NLGN4X: variants seen among roughly 807,000 people sequenced by gnomAD.
NLGN4X encodes neuroligin-4, X-linked.
A neutral mutation model predicts 40.3 loss-of-function variants in NLGN4X; 3 were observed. The ratio of observed to expected loss-of-function variants is 0.07; its 90% CI spans 0.03 to 0.19. The LOEUF is 0.19. Among genes scored for constraint, NLGN4X ranks in the 10% least tolerant of loss-of-function variants. The probability of loss-of-function intolerance (pLI) is 1.00; values close to 1 mark genes in which losing one functional copy is unlikely to be tolerated. For missense variants in NLGN4X, 382 were observed against 708.3 expected (o/e 0.54, Z 5.23); for synonymous variants, 270 against 306.8 (o/e 0.88, Z 1.25).
intron 2 of NLGN4X, among the ~76,000 whole-genome samples, chrX:6,075,511 T>C (rs1215193321): frequency 8.9e-6 from 1 of 111,930 alleles, no homozygotes; most frequent in Admixed American, 9.5e-5. Flanking sequence ...ATAGTTTGGA[T>C]GTTTGTCCTC....
chrX:5,923,342 T>C (rs1364429342), intron 3 of NLGN4X, among the ~76,000 whole-genome samples: 1 of 112,235 alleles, frequency 8.9e-6, no homozygotes, highest in Non-Finnish European at 1.9e-5. Context: ...GGTTTCACCA[T>C]GTTGCCCAGG....
At chrX:6,013,920 C>T (rs754101889) in intron 3 of NLGN4X, among the ~76,000 whole-genome samples, 1 of 110,620 alleles carries the variant, frequency 9.0e-6, no homozygotes, top group Non-Finnish European at 1.9e-5. Flanking sequence ...CGGTGACTCA[C>T]GCCTGTAATC....
chrX:6,175,017 C>A (rs2040693332), intron 1 of NLGN4X, among the ~76,000 whole-genome samples: 2 of 111,749 alleles, frequency 1.8e-5, no homozygotes, highest in South Asian at 3.7e-4. Flanking sequence ...TTACACAAAT[C>A]TACAACTTAA....
rs1343544501 is a variant in NLGN4X at position 6,151,417 on chromosome X, A to G, written c.50T>C (p.Val17Ala). The change falls in exon 2 of 6, where the codon GTC (valine) becomes GCC (alanine). Residue 17 changes from valine to alanine, a missense_variant. By Grantham distance (64) the Val-to-Ala change is moderately conservative (BLOSUM62 0). This residue lies in a region of NLGN4X where 115 missense variants were observed against 149.6 expected (regional missense o/e 0.77). Transcript: ENST00000381095. ...LLWLPLLFTP[V>A]CVMLNSNVLL... ...GACATTGGAGTTTAACATGACGCAG[A>G]CCGGGGTGAACAACAAAGGAAGCCA... 8.3e-7 allele frequency: 1 copy of G among 1,211,447 alleles called. No individual in the cohort carries two copies. Among genetic ancestry groups the G allele is most frequent in the Admixed American group, 2.2e-5 (1 of 45,984 alleles).
chrX:5,923,810 C>G (rs1308137284), intron 3 of NLGN4X, among the ~76,000 whole-genome samples: 1 of 111,360 alleles, frequency 9.0e-6, no homozygotes, highest in Non-Finnish European at 1.9e-5. Flanking sequence ...GAATGGTGTT[C>G]ATATGTTGAG....
At position 6,079,627 on chromosome X, in the gene NLGN4X, GCA is replaced by G. The variant is rs1299998891; in HGVS notation, c.473-50197_473-50196del. 3.6e-5 allele frequency among the ~76,000 whole-genome samples: 4 copies of G among 112,011 alleles called. No individual in the cohort carries two copies. In the East Asian group the frequency reaches 1.1e-3, roughly 32 times the overall value. ...ATGACAGCTGCATCTCCAGTGTTGGGCACAGAGTAGGCACTAAATAAACACTT... is the reference window on the plus strand; with the variant it reads ...ATGACAGCTGCATCTCCAGTGTTGGGCAGAGTAGGCACTAAATAAACACTT... On this transcript the variant is annotated intron_variant, in intron 2 of 5. Coordinates refer to ENST00000381095, the MANE Select transcript of NLGN4X (RefSeq NM_181332.3).
intron 3 of NLGN4X, among the ~76,000 whole-genome samples, chrX:5,939,372 C>T (rs1237417064): frequency 9.0e-6 from 1 of 111,373 alleles, no homozygotes; most frequent in East Asian, 2.8e-4. Flanking sequence ...AACACACACA[C>T]ACAGAAGCAG....
intron 3 of NLGN4X, among the ~76,000 whole-genome samples, chrX:5,985,695 A>G (rs756307635): frequency 1.8e-5 from 2 of 112,072 alleles, no homozygotes; most frequent in African/African-American, 3.2e-5. Context: ...ATAAAAGTAA[A>G]TATCAGTGGA....
intron 2 of NLGN4X, among the ~76,000 whole-genome samples, chrX:6,079,462 T>C (rs1370924555): frequency 8.9e-6 from 1 of 112,529 alleles, no homozygotes; most frequent in Non-Finnish European, 1.9e-5. Flanking sequence ...TCATTTAATC[T>C]AGCCCTTCAA....
At chrX:6,223,047 A>T (rs1216379858) in intron 1 of NLGN4X, among the ~76,000 whole-genome samples, 1 of 110,610 alleles carries the variant, frequency 9.0e-6, no homozygotes, top group Non-Finnish European at 1.9e-5. Flanking sequence ...GGATTAATAC[A>T]CCTCATCTCA....
chrX:6,104,487 A>G (rs2038990239), intron 2 of NLGN4X, among the ~76,000 whole-genome samples: 4 of 107,262 alleles, frequency 3.7e-5, no homozygotes. Flanking sequence ...TTATTTCTCC[A>G]TCTTCTCTCT....
intron 2 of NLGN4X, among the ~76,000 whole-genome samples, chrX:6,102,880 T>C (rs1386372285): frequency 4.5e-5 from 5 of 111,513 alleles, no homozygotes; most frequent in Non-Finnish European, 9.4e-5. Flanking sequence ...GTAGAGACAC[T>C]ACTTATCAGG....
chrX:5,903,831 C>A lies in NLGN4X; in HGVS notation c.847G>T (p.Ala283Ser), dbSNP rs766959779. 1 of 1,211,678 alleles carries A rather than the reference C, an allele frequency of 8.3e-7. No individual in the cohort carries two copies. Among genetic ancestry groups the A allele is most frequent in the Non-Finnish European group, 1.1e-6 (1 of 895,521 alleles). Residue 283 changes from alanine to serine, a missense_variant, in exon 5 of 6, where the codon GCC becomes TCC. Around this residue, in one of 5 missense-constraint regions of NLGN4X, gnomAD observed 32 missense variants for 85.2 expected, o/e 0.38. Transcript: ENST00000381095. ...TAGTTCACTGCCCAGCTGGACAGGG[C>A]GGTGCCGCTCTGAATGATGGCCTTC... ...FQKAIIQSGT[A>S]LSSWAVNYQP...
chrX:5,907,377 C>T (rs1190289582), intron 4 of NLGN4X, among the ~76,000 whole-genome samples: 1 of 111,677 alleles, frequency 9.0e-6, no homozygotes, highest in Non-Finnish European at 1.9e-5. Flanking sequence ...TGCAGGGAGC[C>T]TCCTTCACAA....
intron 3 of NLGN4X, among the ~76,000 whole-genome samples, chrX:5,933,698 C>T (rs755127522): frequency 4.5e-5 from 5 of 111,413 alleles, no homozygotes; most frequent in African/African-American, 6.5e-5. Context: ...TGTACAGTTA[C>T]GCTTATCCTG....
rs368902795 is a variant in NLGN4X, at chrX:6,219,543, C to G, written c.-306+8998G>C. Among the ~76,000 whole-genome samples, 358 of 82,181 alleles carry G rather than the reference C, an allele frequency of 4.4e-3. 3 individuals are homozygous for G. Among genetic ancestry groups the G allele is most frequent in the African/African-American group, 0.017 (341 of 19,533 alleles). The allele number at this position is 82,181 out of a possible 115,157, so 71.4% of individuals were successfully genotyped here. On this transcript the variant is annotated intron_variant, in intron 1 of 5. Coordinates refer to ENST00000381095, the MANE Select transcript of NLGN4X (RefSeq NM_181332.3). ...TGCTTCCTTTCTTCCTTCCTTTTCT[C>G]TTTTCTTTCTTTCTTTCTTTCTTTC...
At position 6,151,386 on chromosome X, in the gene NLGN4X, C is replaced by T. The variant is rs746015183; in HGVS notation, c.81G>A (p.Leu27=). The stretch of plus-strand genomic sequence containing the variant: ...ACTTGATGGCAAGAGCAGTTAACCA[C>T]AGGAGGACATTGGAGTTTAACATGA... ...VCVMLNSNVL[L]WLTALAIKFT... The change falls in exon 2 of 6, where the codon CTG becomes CTA. Residue 27 remains leucine (L), a synonymous_variant. Transcript: ENST00000381095. 21 of 1,209,891 alleles carry T rather than the reference C, an allele frequency of 1.7e-5. No homozygotes were observed. The highest frequency in any genetic ancestry group is 2.2e-5 in the Admixed American group (1 of 45,760).
intron 3 of NLGN4X, among the ~76,000 whole-genome samples, chrX:5,984,901 A>C (rs1265734583): frequency 8.9e-6 from 1 of 112,364 alleles, no homozygotes; most frequent in Non-Finnish European, 1.9e-5. Flanking sequence ...CAATAATCAC[A>C]GATAAAAGTA....
intron 2 of NLGN4X, among the ~76,000 whole-genome samples, chrX:6,034,945 G>T (rs578151867): frequency 9.0e-6 from 1 of 111,130 alleles, no homozygotes; most frequent in Non-Finnish European, 1.9e-5. Context: ...TGCCTCAAGC[G>T]ATCCACTCAT....
Sources: allele counts gnomAD v4.1 joint callset (sites outside exome capture counted in the v4.1 genomes callset), GRCh38; gene constraint gnomAD v4.1.1; regional missense constraint gnomAD v4.1.1; transcripts MANE v1.5; gene names NCBI Gene and HGNC (gene_info 2026-07-23, HGNC 2026-07-21).